Variants in CCSER2 observed in about 807,000 individuals in gnomAD.
CCSER2 encodes the protein coiled-coil serine rich protein 2.
In CCSER2, 46 loss-of-function variants were observed where a neutral mutation model predicts 92.3. That is an observed-to-expected ratio of 0.50 (90% CI 0.39 to 0.64). The LOEUF (loss-of-function observed/expected upper bound fraction) is 0.64, where lower values mean the gene tolerates loss of function less well. CCSER2 is among the 30% of genes least tolerant of loss of function. The pLI is 0.00. For synonymous variants in CCSER2, 433 were observed against 431.4 expected (o/e 1.00, Z -0.04); for missense variants, 1,244 against 1,238.9 (o/e 1.00, Z -0.06).
At chr10:84,476,909 T>C (rs1466243184) in intron 8 of CCSER2, among the ~76,000 whole-genome samples, 4 of 152,152 alleles carry the variant, frequency 2.6e-5, no homozygotes, top group African/African-American at 9.7e-5. Flanking sequence ...GCTGACACTC[T>C]TCAAAATATT....
chr10:84,466,995 C>A (rs1846485313), intron 7 of CCSER2, among the ~76,000 whole-genome samples: 1 of 152,138 alleles, frequency 6.6e-6, no homozygotes, highest in Admixed American at 6.5e-5. Context: ...CTTGAGTGCG[C>A]CTCCTCTACT....
intron 1 of CCSER2, among the ~76,000 whole-genome samples, chr10:84,332,436 A>ATATGTATTT (rs1401635246): frequency 1.8e-5 from 1 of 55,212 alleles, no homozygotes; most frequent in African/African-American, 1.1e-4. Flanking sequence ...ATATATATAT[A>ATATGTATTT]TTTTTTTTTT....
intron 8 of CCSER2, among the ~76,000 whole-genome samples, chr10:84,473,432 A>G (rs1251660532): frequency 3.9e-5 from 6 of 152,192 alleles, no homozygotes; most frequent in Non-Finnish European, 7.4e-5. Context: ...CTCAACATAA[A>G]TTTAGAGGAT....
intron 5 of CCSER2, among the ~76,000 whole-genome samples, chr10:84,433,071 G>A (rs12761608): frequency 0.058 from 8,868 of 152,070 alleles, 373 homozygotes; most frequent in Admixed American, 0.1. Flanking sequence ...TTGATATGTC[G>A]GTTCTTTTGC....
chr10:84,407,254 G>A (rs17103443), intron 3 of CCSER2, among the ~76,000 whole-genome samples: 8,869 of 152,096 alleles, frequency 0.058, 372 homozygotes, highest in Admixed American at 0.1. Flanking sequence ...ACCAGATTTG[G>A]CCTTCCTTTT....
intron 3 of CCSER2, among the ~76,000 whole-genome samples, chr10:84,382,436 T>C (rs377330622): frequency 2.5e-4 from 38 of 152,328 alleles, no homozygotes; most frequent in African/African-American, 8.7e-4. Flanking sequence ...TTTTAACTGA[T>C]ATTTAACTTT....
chr10:84,487,672 T>C (rs1037559344), intron 9 of CCSER2, among the ~76,000 whole-genome samples: 7 of 152,158 alleles, frequency 4.6e-5, no homozygotes, highest in Admixed American at 1.3e-4. Flanking sequence ...GATATACAAT[T>C]ATGTCATCTG....
chr10:84,441,734 A>ATTTTTTTTTTTTTTTTTTTTTTTT lies in CCSER2; in HGVS notation c.2064+3028_2064+3029insTTTTTTTTTTTTTTTTTTTTTTTT, dbSNP rs1564667385. ...GGGAATAAAGTAGAAGACTGGGAAA[A>ATTTTTTTTTTTTTTTTTTTTTTTT]TGTTTTTTTTTTTTTTTTTTTTTTT... On this transcript the variant is annotated intron_variant, in intron 6 of 9. Transcript: ENST00000372088. Among the ~76,000 whole-genome samples the ATTTTTTTTTTTTTTTTTTTTTTTT allele has an allele frequency of 5.6e-5, 6 of 106,408 alleles. 2 individuals carry two copies. The highest frequency in any genetic ancestry group is 1.1e-4 in the Admixed American group (1 of 9,476). The allele number at this position is 106,408 out of a possible 152,430, so 69.8% of individuals were successfully genotyped here. A position where few individuals can be genotyped will look rare whatever the true frequency, so the allele number is the denominator to read the frequency against.
intron 9 of CCSER2, among the ~76,000 whole-genome samples, chr10:84,491,708 C>T (rs1053862293): frequency 2.0e-5 from 3 of 152,124 alleles, no homozygotes; most frequent in African/African-American, 7.2e-5. Flanking sequence ...GATGCCTCGC[C>T]CTGCTTCCAC....
intron 1 of CCSER2, among the ~76,000 whole-genome samples, chr10:84,331,226 C>T (rs1843545135): frequency 6.6e-6 from 1 of 152,140 alleles, no homozygotes; most frequent in Non-Finnish European, 1.5e-5. Flanking sequence ...TTTCACTACT[C>T]CATGGTGCTT....
At chr10:84,457,393 A>T (rs1473166623) in intron 6 of CCSER2, among the ~76,000 whole-genome samples, 4 of 92,418 alleles carry the variant, frequency 4.3e-5, no homozygotes, top group Admixed American at 1.8e-4. Context: ...ATATATATTT[A>T]TTTAAATATA....
intron 6 of CCSER2, among the ~76,000 whole-genome samples, chr10:84,459,353 C>A (rs1004090917): frequency 1.3e-5 from 2 of 152,068 alleles, no homozygotes; most frequent in African/African-American, 4.8e-5. Flanking sequence ...TTATTTTTTT[C>A]TTTCCTATTC....
At position 84,516,666 on chromosome 10, in the gene CCSER2, C is replaced by G. The variant is rs1375216069; in HGVS notation, c.*2399C>G. 6.6e-6 allele frequency: 1 copy of G among 152,016 alleles called. No individual in the cohort carries two copies. The highest frequency in any genetic ancestry group is 2.4e-5 in the African/African-American group (1 of 41,402). The allele number at this position is 152,016 out of a possible 1,614,324, so 9.4% of individuals were successfully genotyped here. A position where few individuals can be genotyped will look rare whatever the true frequency, so the allele number is the denominator to read the frequency against. On this transcript the variant is annotated 3_prime_UTR_variant, in exon 10 of 10. Coordinates refer to ENST00000372088, the MANE Select transcript of CCSER2 (RefSeq NM_001284240.2). ...AGTCTGAGGGAAATGTCTTTATTGT[C>G]CATTACATAAAAATGTTGACTCCAG...
chr10:84,328,962 C>T (rs923561437), intron 1 of CCSER2, among the ~76,000 whole-genome samples, 154 bp downstream of exon 1: 55 of 151,860 alleles, frequency 3.6e-4, no homozygotes, highest in African/African-American at 1.2e-3. Context: ...CAGGGTGAGC[C>T]TCTCTAGCCC....
At chr10:84,497,277 G>T (rs138147504) in intron 9 of CCSER2, among the ~76,000 whole-genome samples, 1 of 152,362 alleles carries the variant, frequency 6.6e-6, no homozygotes, top group Middle Eastern at 3.4e-3. Flanking sequence ...TGACAGATGG[G>T]TAGAGAAGTG....
Position 84,483,805 on chromosome 10 carries a change from G to A in CCSER2, c.2325+6141G>A, listed in dbSNP as rs1355911017. On this transcript the variant is annotated intron_variant, in intron 9 of 9. Transcript: ENST00000372088. ...TTTTTCTTTTCTTTTTTTTTTTTTT[G>A]AGATGGAATCTCTCTCTCTTGCCCA... is the stretch of plus-strand genomic sequence containing the variant. Among the ~76,000 whole-genome samples, 3 of 62,226 alleles carry A rather than the reference G, an allele frequency of 4.8e-5. No homozygotes were observed. The South Asian group carries it at 1.3e-3, about 27-fold the overall frequency. 40.8% of individuals were successfully genotyped at this position (62,226 alleles called of 152,430 possible).
At chr10:84,419,615 A>G (rs1421411767) in intron 4 of CCSER2, among the ~76,000 whole-genome samples, 3 of 152,202 alleles carry the variant, frequency 2.0e-5, no homozygotes, top group East Asian at 3.9e-4. Flanking sequence ...TCTCACAGAG[A>G]CAGAGAATGT....
rs1554828778 is a variant in CCSER2, at chr10:84,332,412, TTATATATA to T, written c.-40+3622_-40+3629del. Among the ~76,000 whole-genome samples, 31 of 82,250 alleles carry T rather than the reference TTATATATA, an allele frequency of 3.8e-4. No homozygotes were observed. In the East Asian group the frequency reaches 4.3e-3, roughly 11 times the overall value. 54.0% of individuals were successfully genotyped at this position (82,250 alleles called of 152,430 possible). ...ATTTTATATTATTAAATTTATTTTT[TTATATATA>T]TATATATATATATATATTTTTTTTT... On this transcript the variant is annotated intron_variant, in intron 1 of 9. Coordinates refer to ENST00000372088, the MANE Select transcript of CCSER2 (RefSeq NM_001284240.2).
chr10:84,491,106 G>A (rs763925595), intron 9 of CCSER2, among the ~76,000 whole-genome samples: 1 of 152,186 alleles, frequency 6.6e-6, no homozygotes, highest in Non-Finnish European at 1.5e-5. Context: ...TGGAAGCTTC[G>A]TCTCAGATGG....
Sources: allele counts gnomAD v4.1 joint callset (sites outside exome capture counted in the v4.1 genomes callset), GRCh38; gene constraint gnomAD v4.1.1; transcripts MANE v1.5; gene names NCBI Gene and HGNC (gene_info 2026-07-23, HGNC 2026-07-21).